The following CD33 variants were observed in gnomAD, a reference collection of about 807,000 sequenced individuals.
The protein encoded by CD33 is myeloid cell surface antigen CD33.
In CD33, 25 loss-of-function variants were observed where a neutral mutation model predicts 31.4. The ratio of observed to expected loss-of-function variants is 0.80; its 90% CI spans 0.58 to 1.11. The LOEUF is 1.11. Among genes scored for constraint, CD33 ranks in the 50% most tolerant of loss-of-function variants. The pLI is 0.00. For synonymous variants in CD33, 176 were observed against 180.6 expected (o/e 0.97, Z 0.20); for missense variants, 407 against 448.1 (o/e 0.91, Z 0.83).
chr19:51,219,068 GGT>G, the CD33 span, among the ~76,000 whole-genome samples: 6 of 152,178 alleles, frequency 3.9e-5, no homozygotes, highest in South Asian at 1.2e-3. Context: ...ATATGACATT[GGT>G]ATTTTGATAG....
chr19:51,224,756 C>A (rs1980863865), upstream of CD33, among the ~76,000 whole-genome samples: 1 of 152,120 alleles, frequency 6.6e-6, no homozygotes. Flanking sequence ...GTGATCAGCC[C>A]TGGTGTAAAC....
At chr19:51,239,186 C>T (rs957475483) in intron 6 of CD33, 13 of 175,812 alleles carry the variant, frequency 7.4e-5, no homozygotes, top group Non-Finnish European at 2.4e-5. Context: ...AGATGTGTGA[C>T]TTTGGAAATT....
the CD33 span, among the ~76,000 whole-genome samples, chr19:51,213,450 T>TG: frequency 6.6e-6 from 1 of 152,226 alleles, no homozygotes; most frequent in Admixed American, 6.5e-5. Flanking sequence ...GCACCACCAA[T>TG]GGGTTTGGGT....
At chr19:51,217,793 G>T in the CD33 span, among the ~76,000 whole-genome samples, 1 of 152,204 alleles carries the variant, frequency 6.6e-6, no homozygotes, top group African/African-American at 2.4e-5. Context: ...GAGAACATAT[G>T]ATATTTGACT....
At chr19:51,228,951 C>T (rs993140742) in intron 4 of CD33, among the ~76,000 whole-genome samples, 5 of 152,146 alleles carry the variant, frequency 3.3e-5, no homozygotes, top group African/African-American at 1.2e-4. Context: ...AAATAAGAGT[C>T]ATAACAGTGG....
upstream of CD33, among the ~76,000 whole-genome samples, chr19:51,222,248 C>T (rs1242014007): frequency 6.6e-6 from 1 of 152,194 alleles, no homozygotes; most frequent in Admixed American, 6.5e-5. Context: ...CAGTATCATA[C>T]GTCGACAAGG....
In CD33 at chr19:51,235,879, C is replaced by G; in HGVS notation, c.924+203C>G. 3 of 708,752 alleles carry G rather than the reference C, an allele frequency of 4.2e-6. No individual in the cohort carries two copies. The South Asian group carries it at 4.4e-5, about 10-fold the overall frequency. The allele number at this position is 708,752 out of a possible 1,614,324, so 43.9% of individuals were successfully genotyped here. A position where few individuals can be genotyped will look rare whatever the true frequency, so the allele number is the denominator to read the frequency against. On this transcript the variant is annotated intron_variant, in intron 6 of 6. Transcript: ENST00000262262. Reference sequence around the variant, plus strand: ...GGCCATTGAAAAGATAGTTTCTTGGCCGGGCACAGTGTTTCACACCTGCAA... The same window carrying G: ...GGCCATTGAAAAGATAGTTTCTTGGGCGGGCACAGTGTTTCACACCTGCAA...
chr19:51,223,962 G>T, upstream of CD33, among the ~76,000 whole-genome samples: 1 of 152,160 alleles, frequency 6.6e-6, no homozygotes, highest in East Asian at 1.9e-4. Flanking sequence ...GCAGGAATCA[G>T]GTCAGTGGCA....
upstream of CD33, among the ~76,000 whole-genome samples, chr19:51,222,352 T>A (rs1308649939): frequency 6.6e-6 from 1 of 152,194 alleles, no homozygotes; most frequent in African/African-American, 2.4e-5. Context: ...CTACTAAGGT[T>A]AAACTTACAA....
At chr19:51,212,060 CAG>C in the CD33 span, 1 of 787,626 alleles carries the variant, frequency 1.3e-6, no homozygotes, top group Non-Finnish European at 2.1e-6. Context: ...CCATCCAACT[CAG>C]TGTCTCCTGT....
intron 4 of CD33, among the ~76,000 whole-genome samples, chr19:51,233,963 C>T (rs1302307263): frequency 6.6e-6 from 1 of 152,162 alleles, no homozygotes; most frequent in East Asian, 1.9e-4. Context: ...TTGCCTTGGT[C>T]CTTTCTTGTC....
chr19:51,226,103 T>C, intron 3 of CD33, 22 bp downstream of exon 3: 2 of 1,611,250 alleles, frequency 1.2e-6, no homozygotes, highest in Non-Finnish European at 1.7e-6. Context: ...GCCAGGATGC[T>C]GGGGTCCCTG....
rs138721648 is a variant in CD33 at position 51,235,634 on chromosome 19, G to C, written c.882G>C (p.Val294=). The C allele has an allele frequency of 3.7e-6, 6 of 1,613,840 alleles. No individual in the cohort carries two copies. The highest frequency in any genetic ancestry group is 3.4e-6 in the Non-Finnish European group (4 of 1,179,978). ...THRRKAARTA[V]GRNDTHPTTG... is the part of the protein sequence containing the mutation. The stretch of plus-strand genomic sequence containing the variant: ...GGAGGAAAGCAGCCAGGACAGCAGT[G>C]GGCAGGAATGACACCCACCCTACCA... Residue 294 remains valine, a synonymous_variant, in exon 6 of 7, where the codon GTG becomes GTC. Coordinates refer to ENST00000262262, the MANE Select transcript of CD33 (RefSeq NM_001772.4).
At chr19:51,215,611 G>A in the CD33 span, among the ~76,000 whole-genome samples, 113,546 of 152,010 alleles carry the variant, frequency 0.75, 43,357 homozygotes, top group African/African-American at 0.81. Flanking sequence ...ACTTCTTTCT[G>A]TGGCCCCCAG....
chr19:51,233,436 C>G (rs1411713870), intron 4 of CD33, among the ~76,000 whole-genome samples: 1 of 152,124 alleles, frequency 6.6e-6, no homozygotes, highest in East Asian at 1.9e-4. Flanking sequence ...CCATGCAGCT[C>G]TAATTGTGGT....
chr19:51,224,078 A>G (rs1980818704), upstream of CD33, among the ~76,000 whole-genome samples: 2 of 151,816 alleles, frequency 1.3e-5, no homozygotes, highest in South Asian at 2.1e-4. Context: ...TTTAGAGAAA[A>G]CAAACCTGAG....
chr19:51,231,915 C>A (rs569509380), intron 4 of CD33, among the ~76,000 whole-genome samples: 1 of 152,082 alleles, frequency 6.6e-6, no homozygotes, highest in African/African-American at 2.4e-5. Context: ...TGTGCCACCA[C>A]GCCCAGCTAA....
upstream of CD33, among the ~76,000 whole-genome samples, chr19:51,222,181 T>C (rs1980715522): frequency 6.6e-6 from 1 of 152,164 alleles, no homozygotes; most frequent in African/African-American, 2.4e-5. Context: ...AATTAAAAAA[T>C]TTAAAACACT....
chr19:51,211,829 C>G, the CD33 span: 1 of 1,026,082 alleles, frequency 9.7e-7, no homozygotes, highest in Non-Finnish European at 1.5e-6. Flanking sequence ...TCCCGAGGAC[C>G]CTGGAATCTG....
Sources: gnomAD v4.1 joint callset for allele counts (sites outside exome capture counted in the v4.1 genomes callset) on GRCh38, gnomAD v4.1.1 for gene constraint, MANE v1.5 for transcripts, NCBI Gene and HGNC (gene_info 2026-07-23, HGNC 2026-07-21) for gene names.